The following NSMCE2 variants were observed in gnomAD, a reference collection of about 807,000 sequenced individuals.
NSMCE2 encodes E3 SUMO-protein ligase NSE2.
NSMCE2 carries 24 observed loss-of-function variants against 23.8 expected under a neutral mutation model. That is an observed-to-expected ratio of 1.01 (90% CI 0.73 to 1.42). The LOEUF is 1.42. NSMCE2 is among the 40% of genes most tolerant of loss of function. The pLI is 0.00. For missense variants in NSMCE2, 284 were observed against 296.5 expected, an observed-to-expected ratio of 0.96 and a Z score of 0.31; for synonymous variants, 92 against 94.1, an observed-to-expected ratio of 0.98 and a Z score of 0.13.
At chr8:125,172,749 C>T (rs191685747) in intron 4 of NSMCE2, among the ~76,000 whole-genome samples, 37 of 152,276 alleles carry the variant, frequency 2.4e-4, no homozygotes, top group African/African-American at 8.9e-4. Flanking sequence ...TGAATAGATA[C>T]TTTAGTCTTA....
chr8:125,161,711 C>T (rs1452254857), intron 4 of NSMCE2, among the ~76,000 whole-genome samples: 2 of 127,042 alleles, frequency 1.6e-5, no homozygotes, highest in Non-Finnish European at 3.1e-5. Flanking sequence ...ACATGAGAAT[C>T]GCTTGAACCC....
At chr8:125,216,667 G>A (rs1274862542) in intron 5 of NSMCE2, among the ~76,000 whole-genome samples, 1 of 151,558 alleles carries the variant, frequency 6.6e-6, no homozygotes, top group African/African-American at 2.4e-5. Flanking sequence ...ATGGGTTTTG[G>A]GCAAATGCAC....
rs529049163 is a variant in NSMCE2 at position 125,251,606 on chromosome 8, A to G, written c.418+69350A>G. ...ATTGACTTTTCCAAGTTTCCAGCATATATTCCTGGGCAGAAGATCTCAATA... is the reference window on the plus strand; with the variant it reads ...ATTGACTTTTCCAAGTTTCCAGCATGTATTCCTGGGCAGAAGATCTCAATA... On this transcript the variant is annotated intron_variant, in intron 5 of 7. Transcript: ENST00000287437. Among the ~76,000 whole-genome samples, 14 of 152,328 alleles carry G rather than the reference A, an allele frequency of 9.2e-5. No homozygotes were observed. The East Asian group carries it at 2.3e-3, about 25-fold the overall frequency.
intron 3 of NSMCE2, among the ~76,000 whole-genome samples, chr8:125,138,737 G>T (rs1485001247): frequency 1.3e-5 from 2 of 152,200 alleles, no homozygotes; most frequent in East Asian, 3.9e-4. Context: ...ATTTATCCTG[G>T]GAAGCAAAGA....
At position 125,161,066 on chromosome 8, in the gene NSMCE2, A is replaced by G. The variant is rs1465740837; in HGVS notation, c.264+9789A>G. 5.3e-5 allele frequency among the ~76,000 whole-genome samples: 8 copies of G among 152,300 alleles called. 1 individual carries two copies. In the South Asian group the frequency reaches 1.7e-3, roughly 32 times the overall value. On this transcript the variant is annotated intron_variant, in intron 4 of 7. Transcript: ENST00000287437. ...TATGTGAATGGATTTTATTTTTTCA[A>G]GCCCCTGTGTGAGTTTGCAACTGTG...
At chr8:125,273,753 T>C (rs1827325034) in intron 5 of NSMCE2, among the ~76,000 whole-genome samples, 1 of 152,204 alleles carries the variant, frequency 6.6e-6, no homozygotes, top group African/African-American at 2.4e-5. Context: ...GTGCCTTAAT[T>C]ATGGCCCTGT....
chr8:125,193,058 ATCAAT>A (rs1337287323), intron 5 of NSMCE2, among the ~76,000 whole-genome samples: 9 of 152,358 alleles, frequency 5.9e-5, no homozygotes, highest in African/African-American at 1.7e-4. Flanking sequence ...AATATGCAAC[ATCAAT>A]TCAATGAAAT....
intron 5 of NSMCE2, among the ~76,000 whole-genome samples, chr8:125,333,540 A>T: frequency 1.8e-5 from 1 of 54,596 alleles, no homozygotes; most frequent in African/African-American, 7.1e-5. Context: ...TTTGAGACGG[A>T]GTCTCGCTCT....
At chr8:125,223,158 C>G (rs1824944617) in intron 5 of NSMCE2, among the ~76,000 whole-genome samples, 1 of 151,756 alleles carries the variant, frequency 6.6e-6, no homozygotes, top group South Asian at 2.1e-4. Flanking sequence ...GAGTTTGAGA[C>G]CAACCTGAGC....
chr8:125,144,123 T>C (rs1333077060), intron 3 of NSMCE2, among the ~76,000 whole-genome samples: 2 of 152,162 alleles, frequency 1.3e-5, no homozygotes, highest in African/African-American at 4.8e-5. Context: ...TGTTGAGGGA[T>C]CTTATTTGGC....
At chr8:125,175,753 C>T (rs1586565561) in intron 4 of NSMCE2, among the ~76,000 whole-genome samples, 1 of 152,050 alleles carries the variant, frequency 6.6e-6, no homozygotes. Flanking sequence ...GACTTTGCCC[C>T]GTGGCAATAA....
intron 2 of NSMCE2, 57 bp from the exon 3 acceptor site, chr8:125,102,260 C>T: frequency 9.0e-7 from 1 of 1,115,786 alleles, no homozygotes; most frequent in Non-Finnish European, 1.4e-6. Flanking sequence ...TTAATATTTT[C>T]CTGTGCAGTT....
At chr8:125,312,091 A>AG in intron 5 of NSMCE2, among the ~76,000 whole-genome samples, 1 of 127,634 alleles carries the variant, frequency 7.8e-6, no homozygotes, top group Non-Finnish European at 1.9e-5. Flanking sequence ...AAAAAAAAAA[A>AG]AAGAAAGAAA....
rs969111987 is a variant in NSMCE2 at position 125,230,300 on chromosome 8, C to T, written c.418+48044C>T. 3.5e-5 allele frequency among the ~76,000 whole-genome samples: 4 copies of T among 115,038 alleles called. No homozygotes were observed. In the South Asian group the frequency reaches 1.2e-3, roughly 35 times the overall value. The allele number at this position is 115,038 out of a possible 152,430, so 75.5% of individuals were successfully genotyped here. ...CCAACCCTCTCTTACTGAACTAATA[C>T]CCTATAAAGCCTTACCCAGAACCCT... is the stretch of plus-strand genomic sequence containing the variant. On this transcript the variant is annotated intron_variant, in intron 5 of 7. Coordinates refer to ENST00000287437, the MANE Select transcript of NSMCE2 (RefSeq NM_173685.4).
chr8:125,307,645 G>C (rs536365058), intron 5 of NSMCE2, among the ~76,000 whole-genome samples: 2 of 152,286 alleles, frequency 1.3e-5, no homozygotes, highest in Admixed American at 6.5e-5. Flanking sequence ...GAAGCTACAG[G>C]GTTGTAGGCT....
intron 5 of NSMCE2, among the ~76,000 whole-genome samples, chr8:125,320,499 A>T (rs902945980): frequency 6.6e-6 from 1 of 152,226 alleles, no homozygotes; most frequent in African/African-American, 2.4e-5. Flanking sequence ...GGGGGAAAAG[A>T]AACATTATGT....
intron 4 of NSMCE2, among the ~76,000 whole-genome samples, chr8:125,167,954 T>C (rs1821981026): frequency 6.6e-6 from 1 of 152,136 alleles, no homozygotes; most frequent in Non-Finnish European, 1.5e-5. Context: ...ACTCATTTTG[T>C]CAATGTTGGA....
At chr8:125,093,103 A>G (rs1043708406) in intron 1 of NSMCE2, among the ~76,000 whole-genome samples, 6 of 152,360 alleles carry the variant, frequency 3.9e-5, no homozygotes, top group East Asian at 1.9e-4. Context: ...CGGAAATGCC[A>G]TAAACTAGGT....
rs376265171 is a variant in NSMCE2, at chr8:125,166,377, GC to G, written c.264+15101del. On this transcript the variant is annotated intron_variant, in intron 4 of 7. Transcript: ENST00000287437. Reference sequence around the variant, plus strand: ...TGCCTCCCAGGTTCAAGAGATTCTTGCGCCTCAGCCTCCCAAGTAGCTGGGA... The same window carrying G: ...TGCCTCCCAGGTTCAAGAGATTCTTGGCCTCAGCCTCCCAAGTAGCTGGGA... 2.5e-4 allele frequency among the ~76,000 whole-genome samples: 38 copies of G among 152,048 alleles called. No individual in the cohort carries two copies. In the East Asian group the frequency reaches 6.8e-3, roughly 27 times the overall value.
Sources: allele counts gnomAD v4.1 joint callset (sites outside exome capture counted in the v4.1 genomes callset), GRCh38; gene constraint gnomAD v4.1.1; transcripts MANE v1.5; gene names NCBI Gene and HGNC (gene_info 2026-07-23, HGNC 2026-07-21).